ARHGAP40: variants seen among roughly 807,000 people sequenced by gnomAD.
ARHGAP40 encodes the protein Rho GTPase activating protein 40.
In ARHGAP40, 43 loss-of-function variants were observed where a neutral mutation model predicts 73.5. The ratio of observed to expected loss-of-function variants is 0.58; its 90% CI spans 0.46 to 0.75. The LOEUF is 0.75. ARHGAP40 is among the 30% of genes least tolerant of loss of function. The pLI is 0.00. For synonymous variants in ARHGAP40, 300 were observed against 352.8 expected, an observed-to-expected ratio of 0.85 and a Z score of 1.68; for missense variants, 734 against 861.8, an observed-to-expected ratio of 0.85 and a Z score of 1.86.
exon 11 of ARHGAP40, chr20:38,643,881 A>C: frequency 7.7e-7 from 1 of 1,304,746 alleles, no homozygotes; most frequent in Non-Finnish European, 1.0e-6. Context: ...GGTGCAGATA[A>C]TGGTGCACTA....
At chr20:38,607,238 T>C (rs529666964) in intron 1 of ARHGAP40, among the ~76,000 whole-genome samples, 110 of 152,292 alleles carry the variant, frequency 7.2e-4, no homozygotes, top group African/African-American at 2.5e-3. Context: ...GAGTCCTAAA[T>C]CCTCCACTCA....
At chr20:38,637,595 G>A in intron 6 of ARHGAP40, 113 bp from the exon 7 acceptor site, 1 of 796,268 alleles carries the variant, frequency 1.3e-6, no homozygotes, top group Non-Finnish European at 1.9e-6. Flanking sequence ...AGAGAGCTCA[G>A]TCCTTCCACA....
exon 11 of ARHGAP40, chr20:38,643,791 A>T: frequency 1.5e-6 from 2 of 1,305,814 alleles, no homozygotes; most frequent in Non-Finnish European, 2.0e-6. Context: ...GATGGCCCCT[A>T]ACCTCTTTCT....
exon 3 of ARHGAP40, chr20:38,627,003 G>A: frequency 2.3e-6 from 3 of 1,304,004 alleles, no homozygotes; most frequent in Non-Finnish European, 3.0e-6. Flanking sequence ...AGAAGGGGAA[G>A]CTGAATCCCA....
chr20:38,643,318 G>T (rs2089030667), intron 10 of ARHGAP40, among the ~76,000 whole-genome samples: 1 of 152,160 alleles, frequency 6.6e-6, no homozygotes, highest in Non-Finnish European at 1.5e-5. Flanking sequence ...CAGCATCTCT[G>T]CTTCTCTATT....
chr20:38,630,668 G>A (rs112259088), intron 5 of ARHGAP40, among the ~76,000 whole-genome samples: 8 of 152,244 alleles, frequency 5.3e-5, no homozygotes, highest in East Asian at 3.9e-4. Flanking sequence ...GTGTATGCCC[G>A]TGTAAATACC....
chr20:38,644,009 G>C, intron 11 of ARHGAP40, 99 bp downstream of exon 11: 1 of 1,093,754 alleles, frequency 9.1e-7, no homozygotes, highest in Non-Finnish European at 1.2e-6. Flanking sequence ...TCCCTAGTGT[G>C]TCCCTTCCAG....
intron 13 of ARHGAP40, 126 bp from the exon 14 acceptor site, chr20:38,648,517 C>G (rs2089067856): frequency 1.4e-6 from 1 of 735,872 alleles, no homozygotes; most frequent in South Asian, 1.8e-5. Context: ...GCTGCTTCTC[C>G]CCAGCAGGAC....
intron 3 of ARHGAP40, among the ~76,000 whole-genome samples, chr20:38,627,933 C>T (rs1331095023): frequency 1.3e-5 from 2 of 152,126 alleles, no homozygotes; most frequent in Admixed American, 1.3e-4. Flanking sequence ...TGGTTTCACT[C>T]AGGAAAGAAT....
Position 38,638,759 on chromosome 20 carries a change from A to G in ARHGAP40, c.1042-2A>G, listed in dbSNP as rs2088993831. 2 of 1,305,238 alleles carry G rather than the reference A, an allele frequency of 1.5e-6. No individual in the cohort carries two copies. The highest frequency in any genetic ancestry group is 1.5e-5 in the African/African-American group (1 of 65,878). The allele number at this position is 1,305,238 out of a possible 1,614,324, so 80.9% of individuals were successfully genotyped here. ...TTAAATGCTGGTTTCTCTTTCTGACAGCTGCTGTCCTGTTTGGAAAAGAGA... is the reference window on the plus strand; with the variant it reads ...TTAAATGCTGGTTTCTCTTTCTGACGGCTGCTGTCCTGTTTGGAAAAGAGA... On this transcript the variant is annotated splice_acceptor_variant, in intron 7 of 14. Transcript: ENST00000373345. LOFTEE classifies it high-confidence loss of function.
In ARHGAP40 at chr20:38,621,629, A is replaced by G. The variant is rs569367122; in HGVS notation, c.138-1730A>G. On this transcript the variant is annotated intron_variant, in intron 1 of 14. Transcript: ENST00000373345. ...GAGAAACATGAGATGTCTGCACACCAAAGTGTTAGCATGGAAAACGTGGTC... is the reference window on the plus strand; with the variant it reads ...GAGAAACATGAGATGTCTGCACACCGAAGTGTTAGCATGGAAAACGTGGTC... 2.6e-5 allele frequency among the ~76,000 whole-genome samples: 4 copies of G among 152,364 alleles called. No individual in the cohort carries two copies. In the East Asian group the frequency reaches 7.7e-4, roughly 29 times the overall value.
intron 1 of ARHGAP40, 114 bp from the exon 2 acceptor site, chr20:38,623,245 C>G (rs1418128838): frequency 1.3e-6 from 1 of 790,388 alleles, no homozygotes; most frequent in South Asian, 1.8e-5. Flanking sequence ...GCCTAGGAAG[C>G]TTGCTTAGCC....
chr20:38,647,975 A>G (rs922401413), intron 13 of ARHGAP40, among the ~76,000 whole-genome samples: 5 of 152,226 alleles, frequency 3.3e-5, no homozygotes, highest in African/African-American at 1.2e-4. Context: ...AGGATCTGGA[A>G]GAAGGTCGGG....
exon 11 of ARHGAP40, chr20:38,643,770 G>A (rs1277056227): frequency 7.7e-7 from 1 of 1,305,908 alleles, no homozygotes; most frequent in Non-Finnish European, 1.0e-6. Context: ...TCTGAGGAAT[G>A]TTTCCACCGT....
intron 6 of ARHGAP40, 44 bp from the exon 7 acceptor site, chr20:38,637,664 A>G (rs1172919602): frequency 4.7e-6 from 6 of 1,288,958 alleles, no homozygotes; most frequent in Non-Finnish European, 5.1e-6. Flanking sequence ...CCCAGTGATC[A>G]TTCCAAGAAG....
chr20:38,633,306 C>T (rs539307753), intron 5 of ARHGAP40, among the ~76,000 whole-genome samples: 2 of 152,284 alleles, frequency 1.3e-5, no homozygotes, highest in East Asian at 3.9e-4. Flanking sequence ...ATGCTAAAGA[C>T]ATCACATATT....
intron 11 of ARHGAP40, among the ~76,000 whole-genome samples, chr20:38,644,379 G>A (rs898999388): frequency 2.0e-5 from 3 of 151,962 alleles, no homozygotes; most frequent in Admixed American, 6.6e-5. Context: ...GCCCCTCTGC[G>A]GTGTCAGCAT....
chr20:38,602,228 C>A, intron 1 of ARHGAP40, 149 bp downstream of exon 1: 1 of 1,055,140 alleles, frequency 9.5e-7, no homozygotes, highest in Non-Finnish European at 1.2e-6. Context: ...GGTCACCTGG[C>A]TGTCAAGTGG....
chr20:38,648,754 C>T lies in ARHGAP40; in HGVS notation c.1936+56C>T. 3.1e-6 allele frequency: 4 copies of T among 1,278,996 alleles called. No individual in the cohort carries two copies. In the South Asian group the frequency reaches 3.8e-5, roughly 12 times the overall value. The allele number at this position is 1,278,996 out of a possible 1,614,324, so 79.2% of individuals were successfully genotyped here. The stretch of plus-strand genomic sequence containing the variant: ...GCCCGGGTCCCTGGGAGTTCTTCGA[C>T]CTCAAAGGCTCACTGGGCCCTTCTG... On this transcript the variant is annotated intron_variant, in intron 14 of 14. Transcript: ENST00000373345.
Sources: gnomAD v4.1 joint callset for allele counts (sites outside exome capture counted in the v4.1 genomes callset) on GRCh38, gnomAD v4.1.1 for gene constraint, MANE v1.5 for transcripts, NCBI Gene and HGNC (gene_info 2026-07-23, HGNC 2026-07-21) for gene names.